Variants in BNIP3 observed in about 807,000 individuals in gnomAD.
The protein encoded by BNIP3 is BCL2/adenovirus E1B 19 kDa protein-interacting protein 3.
Under a neutral mutation model 23.9 loss-of-function variants are expected in BNIP3, and 16 were observed. The ratio of observed to expected loss-of-function variants is 0.67; its 90% confidence interval spans 0.45 to 1.01. The LOEUF is 1.01. Ranked by LOEUF, BNIP3 falls within the 50% of genes least tolerant of loss-of-function variation. The pLI is 0.00. For missense variants in BNIP3, 198 were observed against 248.7 expected, an observed-to-expected ratio of 0.80 and a Z score of 1.37; for synonymous variants, 81 against 89.3, an observed-to-expected ratio of 0.91 and a Z score of 0.53.
In BNIP3 at chr10:131,973,961, A is replaced by C. The variant is rs754232502; in HGVS notation, c.47-18T>G. On this transcript the variant is annotated intron_variant, in intron 1 of 5. Coordinates refer to ENST00000368636, the MANE Select transcript of BNIP3 (RefSeq NM_004052.4). ...CCAGGAGCCTGATGGGGACAAAAAAAGGGGCGCAGATGGAATTCTCTACCC... is the reference window on the plus strand; with the variant it reads ...CCAGGAGCCTGATGGGGACAAAAAACGGGGCGCAGATGGAATTCTCTACCC... The C allele has an allele frequency of 1.2e-6, 2 of 1,613,254 alleles. No homozygotes were observed. Among genetic ancestry groups the C allele is most frequent in the South Asian group, 2.2e-5 (2 of 91,074 alleles).
At position 131,981,807 on chromosome 10, in the gene BNIP3, G is replaced by A. The variant is rs375582582; in HGVS notation, c.-1C>T. On this transcript the variant is annotated 5_prime_UTR_variant, in exon 1 of 6. Transcript: ENST00000368636. ...TCCCGGGCGCTCCGTTCTGCGACAT[G>A]GCGCCAGAGGGCAACTGCGGCGATC... 1.0e-4 allele frequency: 155 copies of A among 1,476,320 alleles called. 1 individual carries two copies. The African/African-American group carries it at 2.0e-3, about 19-fold the overall frequency. The allele number at this position is 1,476,320 out of a possible 1,614,324, so 91.5% of individuals were successfully genotyped here.
chr10:131,970,442 C>T lies in BNIP3; in HGVS notation c.539+196G>A, dbSNP rs556464413. On this transcript the variant is annotated intron_variant, in intron 5 of 5. Coordinates refer to ENST00000368636, the MANE Select transcript of BNIP3 (RefSeq NM_004052.4). The surrounding 1 kb of genome is among the most constrained non-coding windows in gnomAD (Gnocchi z 4.1). ...CAGGCCAGACAGCAGCACCACAGGG[C>T]GCCTGTGCTGGGGCCTTTGGGGGCT... The T allele has an allele frequency of 2.2e-4, 162 of 720,870 alleles. No individual in the cohort carries two copies. The South Asian group carries it at 2.7e-3, about 12-fold the overall frequency. The allele number at this position is 720,870 out of a possible 1,614,324, so 44.7% of individuals were successfully genotyped here.
chr10:131,980,065 A>T (rs2037107708), intron 1 of BNIP3, among the ~76,000 whole-genome samples: 1 of 152,254 alleles, frequency 6.6e-6, no homozygotes, highest in Non-Finnish European at 1.5e-5. Flanking sequence ...CCTACATGGG[A>T]TCCACCCCGC....
intron 3 of BNIP3, among the ~76,000 whole-genome samples, chr10:131,972,757 G>A (rs1393037213): frequency 1.3e-5 from 2 of 152,192 alleles, no homozygotes; most frequent in Admixed American, 6.5e-5. Flanking sequence ...CCTCCTTTCC[G>A]GTGTATCCCT....
At chr10:131,981,705 T>C (rs368301359) in intron 1 of BNIP3, 56 bp downstream of exon 1, 3 of 1,277,740 alleles carry the variant, frequency 2.3e-6, no homozygotes, top group Middle Eastern at 2.3e-4. Flanking sequence ...CTCTTGGCCT[T>C]CCCCAGGCTT....
chr10:131,980,044 C>T (rs2037107446), intron 1 of BNIP3, among the ~76,000 whole-genome samples: 2 of 152,222 alleles, frequency 1.3e-5, no homozygotes, highest in South Asian at 4.1e-4. Context: ...TCAGGGCGGC[C>T]CAAGGAATCG....
chr10:131,968,885 G>T (rs915445507), intron 5 of BNIP3: 1 of 238,340 alleles, frequency 4.2e-6, no homozygotes, highest in African/African-American at 2.2e-5. Flanking sequence ...ACCTACCAGG[G>T]CAAGATGGTG....
chr10:131,975,230 C>T (rs2037070740), intron 1 of BNIP3, among the ~76,000 whole-genome samples: 1 of 152,252 alleles, frequency 6.6e-6, no homozygotes, highest in East Asian at 1.9e-4. Flanking sequence ...TCACTCTGCG[C>T]TGGCTGCTTC....
Position 131,967,787 on chromosome 10 carries a change from T to G in BNIP3, c.*737A>C, listed in dbSNP as rs2036984801. The stretch of plus-strand genomic sequence containing the variant: ...GCTGATTTTAAAAGCACACAAAAGT[T>G]GAACACAAAGGAGAGGATTAAATTC... On this transcript the variant is annotated 3_prime_UTR_variant, in exon 6 of 6. Coordinates refer to ENST00000368636, the MANE Select transcript of BNIP3 (RefSeq NM_004052.4). 1 of 152,476 alleles carries G rather than the reference T, an allele frequency of 6.6e-6. No individual in the cohort carries two copies. The highest frequency in any genetic ancestry group is 2.4e-5 in the African/African-American group (1 of 41,428). The allele number at this position is 152,476 out of a possible 1,614,324, so 9.4% of individuals were successfully genotyped here.
In BNIP3 at chr10:131,974,032, TCCAA is replaced by T. The variant is rs2037061968; in HGVS notation, c.47-93_47-90del. On this transcript the variant is annotated intron_variant, in intron 1 of 5. Coordinates refer to ENST00000368636, the MANE Select transcript of BNIP3 (RefSeq NM_004052.4). The stretch of plus-strand genomic sequence containing the variant: ...TATCTAACCAGCCTGCCCTTCCATT[TCCAA>T]GAGGTAGCAATGGTGCCACACCAGG... The T allele has an allele frequency of 7.8e-6, 12 of 1,538,776 alleles. 1 individual carries two copies. Among genetic ancestry groups the T allele is most frequent in the Non-Finnish European group, 8.9e-6 (10 of 1,129,732 alleles).
chr10:131,973,351 T>A, intron 2 of BNIP3: 2 of 524,574 alleles, frequency 3.8e-6, no homozygotes, highest in Non-Finnish European at 6.9e-6. Context: ...CAGGGGCAAC[T>A]GGCAAGCAGC....
chr10:131,973,240 G>C, intron 2 of BNIP3, 122 bp from the exon 3 acceptor site: 2 of 979,036 alleles, frequency 2.0e-6, no homozygotes, highest in Non-Finnish European at 3.1e-6. Context: ...GTCAGCGTAC[G>C]CGTCTTCCCT....
chr10:131,972,443 G>A (rs1263779199), intron 3 of BNIP3, among the ~76,000 whole-genome samples: 4 of 152,166 alleles, frequency 2.6e-5, no homozygotes, highest in Admixed American at 1.3e-4. Flanking sequence ...CTGATCAGCC[G>A]CTAATGCTAC....
chr10:131,973,039 A>T lies in BNIP3; in HGVS notation c.277T>A (p.Ser93Thr). ...DTHSIGEKNS[S>T]QSEEDDIERR... The stretch of plus-strand genomic sequence containing the variant: ...ACATTCTCCTTCCAGCTTACCTGTG[A>T]GCTGTTTTTCTCTCCAATGCTATGG... The change falls in exon 3 of 6, where the codon TCA becomes ACA. Residue 93 changes from serine (S) to threonine (T), a missense_variant. Physicochemically the swap from Ser to Thr is moderately conservative, Grantham distance 58 (BLOSUM62 1). Coordinates refer to ENST00000368636, the MANE Select transcript of BNIP3 (RefSeq NM_004052.4). 6.2e-7 allele frequency: 1 copy of T among 1,612,850 alleles called. No individual in the cohort carries two copies. The highest frequency in any genetic ancestry group is 8.5e-7 in the Non-Finnish European group (1 of 1,178,880).
At position 131,970,962 on chromosome 10, in the gene BNIP3, T is replaced by C; in HGVS notation, c.291A>G (p.Glu97=). 6.2e-7 allele frequency: 1 copy of C among 1,613,688 alleles called. No individual in the cohort carries two copies. Among genetic ancestry groups the C allele is most frequent in the Non-Finnish European group, 8.5e-7 (1 of 1,179,844 alleles). The change falls in exon 4 of 6, where the codon GAA becomes GAG. Residue 97 remains glutamate, a synonymous_variant. Coordinates refer to ENST00000368636, the MANE Select transcript of BNIP3 (RefSeq NM_004052.4). The surrounding 1 kb of genome is among the most constrained non-coding windows in gnomAD (Gnocchi z 4.1). ...CTTCTTTCCTTCTTTCAATATCATC[T>C]TCCTCAGACTAAGATAAAGTCAATG... is the stretch of plus-strand genomic sequence containing the variant. The part of the protein sequence containing the change: ...IGEKNSSQSE[E]DDIERRKEVE...
At chr10:131,978,571 C>T (rs2037096865) in intron 1 of BNIP3, among the ~76,000 whole-genome samples, 1 of 152,128 alleles carries the variant, frequency 6.6e-6, no homozygotes. Context: ...GGAGTAAACA[C>T]AGGGCCAAGT....
At chr10:131,980,967 G>C (rs1326168031) in intron 1 of BNIP3, 1 of 151,568 alleles carries the variant, frequency 6.6e-6, no homozygotes, top group Admixed American at 6.6e-5. Flanking sequence ...CCACCGGGTG[G>C]GGTGGGTCTC....
At chr10:131,981,715 TC>T (rs752869688) in intron 1 of BNIP3, 45 bp downstream of exon 1, 61 of 1,455,500 alleles carry the variant, frequency 4.2e-5, no homozygotes, top group South Asian at 1.2e-4. Flanking sequence ...TCCCCAGGCT[TC>T]CCCCCCGCGC....
chr10:131,979,207 A>G (rs2037100798), intron 1 of BNIP3, among the ~76,000 whole-genome samples: 1 of 152,180 alleles, frequency 6.6e-6, no homozygotes, highest in African/African-American at 2.4e-5. Context: ...CTAGAACCTC[A>G]TTGTGACCAT....
Sources: gnomAD v4.1 joint callset for allele counts (sites outside exome capture counted in the v4.1 genomes callset) on GRCh38, gnomAD v4.1.1 for gene constraint, Gnocchi (gnomAD v3.1) non-coding constraint, MANE v1.5 for transcripts, NCBI Gene and HGNC (gene_info 2026-07-23, HGNC 2026-07-21) for gene names.